METTL15: variants seen among roughly 807,000 people sequenced by gnomAD.
METTL15 encodes the protein 12S rRNA N(4)-cytidine methyltransferase METTL15.
A neutral mutation model predicts 38.3 loss-of-function variants in METTL15; 34 were observed. That is an observed-to-expected ratio of 0.89 (90% CI 0.68 to 1.18). The LOEUF is 1.18. METTL15 is among the 50% of genes most tolerant of loss of function. The probability of loss-of-function intolerance (pLI) is 0.00; values close to 1 mark genes in which losing one functional copy is unlikely to be tolerated. For missense variants in METTL15, 438 were observed against 498.4 expected (o/e 0.88, Z 1.15); for synonymous variants, 162 against 170.9 (o/e 0.95, Z 0.41).
At chr11:28,283,408 G>A (rs1305894964) in intron 4 of METTL15, among the ~76,000 whole-genome samples, 1 of 152,116 alleles carries the variant, frequency 6.6e-6, no homozygotes, top group Non-Finnish European at 1.5e-5. Context: ...ACTACAGGAT[G>A]CCCAACCTTG....
chr11:28,490,867 G>A lies in METTL15; in HGVS notation c.*425-35611G>A, dbSNP rs116953668. Among the ~76,000 whole-genome samples, 79 of 152,228 alleles carry A rather than the reference G, an allele frequency of 5.2e-4. 1 individual carries two copies. The East Asian group carries it at 0.014, about 27-fold the overall frequency. On this transcript the variant is annotated intron_variant and NMD_transcript_variant, in intron 6 of 7. Transcript: ENST00000532947. ...GACATTTTTGTCAAAAGGTTTGGCT[G>A]ATTATTTGGGGCATTGTATAAAGAT...
intron 3 of METTL15, chr11:28,123,924 C>T (rs966456015): frequency 1.0e-5 from 14 of 1,358,692 alleles, no homozygotes; most frequent in East Asian, 5.3e-5. Flanking sequence ...CCACTTGAGG[C>T]GAGTATACAC....
intron 6 of METTL15, among the ~76,000 whole-genome samples, chr11:28,501,176 T>C (rs1851579864): frequency 6.6e-6 from 1 of 152,074 alleles, no homozygotes; most frequent in Non-Finnish European, 1.5e-5. Context: ...CTAGAGACAT[T>C]TGGGGTGGAA....
chr11:28,486,248 C>G (rs1322496895), intron 6 of METTL15, among the ~76,000 whole-genome samples: 6 of 152,120 alleles, frequency 3.9e-5, no homozygotes, highest in Non-Finnish European at 8.8e-5. Context: ...TTTCCTGCAT[C>G]TTAGGCCACT....
chr11:28,489,204 A>G lies in METTL15; in HGVS notation c.*425-37274A>G, dbSNP rs376455263. ...GTATAACATCCTCTCTAAAGCCTTT[A>G]GAGACCAGTCCAGTACAGGCCACAT... On this transcript the variant is annotated intron_variant and NMD_transcript_variant, in intron 6 of 7. Transcript: ENST00000532947. Among the ~76,000 whole-genome samples the G allele has an allele frequency of 1.2e-4, 18 of 152,246 alleles. No individual in the cohort carries two copies. In the South Asian group the frequency reaches 3.7e-3, roughly 32 times the overall value.
At chr11:28,464,170 A>T (rs1851238063) in intron 6 of METTL15, among the ~76,000 whole-genome samples, 1 of 152,172 alleles carries the variant, frequency 6.6e-6, no homozygotes, top group Admixed American at 6.5e-5. Context: ...AGTTCATGTA[A>T]CACTATCATC....
At chr11:28,130,367 G>T (rs1300123096) in intron 3 of METTL15, among the ~76,000 whole-genome samples, 4 of 152,076 alleles carry the variant, frequency 2.6e-5, no homozygotes, top group Non-Finnish European at 5.9e-5. Context: ...GGTGATATGT[G>T]TGAGGATGGA....
chr11:28,439,151 C>T (rs933124690), intron 6 of METTL15, among the ~76,000 whole-genome samples: 6 of 152,080 alleles, frequency 3.9e-5, no homozygotes, highest in Admixed American at 2.6e-4. Context: ...TGAGCATTTT[C>T]TCTTTTGCAA....
intron 6 of METTL15, among the ~76,000 whole-genome samples, chr11:28,508,320 T>G (rs1247838657): frequency 1.3e-5 from 2 of 152,224 alleles, no homozygotes; most frequent in Non-Finnish European, 2.9e-5. Context: ...TTGCTGTAAC[T>G]AACATCTAGA....
chr11:28,195,531 A>G (rs1005220217), intron 3 of METTL15, among the ~76,000 whole-genome samples: 1 of 151,948 alleles, frequency 6.6e-6, no homozygotes, highest in Non-Finnish European at 1.5e-5. Context: ...TAATCTATTC[A>G]TGATATTTGC....
chr11:28,260,875 G>T (rs1855174603), intron 4 of METTL15, among the ~76,000 whole-genome samples: 1 of 152,158 alleles, frequency 6.6e-6, no homozygotes, highest in African/African-American at 2.4e-5. Flanking sequence ...CATAACCATA[G>T]GCTGTAGGGT....
chr11:28,150,242 A>G (rs540656108), intron 3 of METTL15, among the ~76,000 whole-genome samples: 2 of 152,064 alleles, frequency 1.3e-5, no homozygotes, highest in East Asian at 3.9e-4. Context: ...CTACACTAGT[A>G]TAGTATTGAT....
At chr11:28,505,803 G>A (rs1200848230) in intron 6 of METTL15, among the ~76,000 whole-genome samples, 1 of 152,112 alleles carries the variant, frequency 6.6e-6, no homozygotes, top group African/African-American at 2.4e-5. Flanking sequence ...ATTATTGTCG[G>A]TTCCTGGCCT....
intron 6 of METTL15, among the ~76,000 whole-genome samples, chr11:28,449,954 T>C (rs1168058566): frequency 6.6e-6 from 1 of 152,198 alleles, no homozygotes. Flanking sequence ...TCTAGTGATA[T>C]ACCACCCAGT....
chr11:28,219,089 G>A (rs1237825080), intron 4 of METTL15, among the ~76,000 whole-genome samples: 2 of 152,132 alleles, frequency 1.3e-5, no homozygotes, highest in African/African-American at 4.8e-5. Flanking sequence ...GAGTTAGGGA[G>A]GATTCCCTCT....
intron 5 of METTL15, among the ~76,000 whole-genome samples, chr11:28,391,019 G>T (rs1850500464): frequency 6.6e-6 from 1 of 152,058 alleles, no homozygotes; most frequent in Non-Finnish European, 1.5e-5. Context: ...CTCATGATTT[G>T]CCTCGCTGTT....
chr11:28,416,970 A>G (rs1412853457), intron 5 of METTL15, among the ~76,000 whole-genome samples: 1 of 152,242 alleles, frequency 6.6e-6, no homozygotes, highest in Non-Finnish European at 1.5e-5. Flanking sequence ...TATTGAGATA[A>G]AAATAGAAAC....
intron 3 of METTL15, among the ~76,000 whole-genome samples, chr11:28,116,681 C>T (rs1179708666): frequency 6.6e-6 from 1 of 152,182 alleles, no homozygotes; most frequent in East Asian, 1.9e-4. Context: ...GTGGGTTCTT[C>T]ATAAAAATAT....
At chr11:28,196,834 G>A (rs531795542) in intron 3 of METTL15, among the ~76,000 whole-genome samples, 1 of 151,826 alleles carries the variant, frequency 6.6e-6, no homozygotes, top group African/African-American at 2.4e-5. Flanking sequence ...TATTTCAAAT[G>A]CCTGTTTCTA....
Sources: allele counts gnomAD v4.1 joint callset (sites outside exome capture counted in the v4.1 genomes callset), GRCh38; gene constraint gnomAD v4.1.1; transcripts MANE v1.5; gene names NCBI Gene and HGNC (gene_info 2026-07-23, HGNC 2026-07-21).